PHF2: variants seen among roughly 807,000 people sequenced by gnomAD.
The protein encoded by PHF2 is lysine-specific demethylase PHF2.
In PHF2, 27 loss-of-function variants were observed where a neutral mutation model predicts 120.5. The ratio of observed to expected loss-of-function variants is 0.22; its 90% CI spans 0.17 to 0.31. PHF2 has a LOEUF of 0.31. Among genes scored for constraint, PHF2 ranks in the 10% least tolerant of loss-of-function variants. The pLI is 1.00. For synonymous variants in PHF2, 568 were observed against 592.5 expected, an observed-to-expected ratio of 0.96 and a Z score of 0.60; for missense variants, 1,024 against 1,434.8, an observed-to-expected ratio of 0.71 and a Z score of 4.63.
intron 1 of PHF2, among the ~76,000 whole-genome samples, chr9:93,587,761 G>A (rs1863083650): frequency 6.6e-6 from 1 of 152,174 alleles, no homozygotes; most frequent in African/African-American, 2.4e-5. Flanking sequence ...TCATGGGACA[G>A]TGTTGTTATG....
At chr9:93,628,547 T>C (rs1196081719) in intron 1 of PHF2, among the ~76,000 whole-genome samples, 1 of 152,232 alleles carries the variant, frequency 6.6e-6, no homozygotes, top group Admixed American at 6.5e-5. Flanking sequence ...TATAATCCTT[T>C]TTTATTTCCT....
At chr9:93,672,378 G>A (rs538499344) in intron 17 of PHF2, 288 of 385,668 alleles carry the variant, frequency 7.5e-4, no homozygotes, top group Non-Finnish European at 8.7e-4. Flanking sequence ...GCAGGTGTGA[G>A]TGTGGGAGTA....
intron 1 of PHF2, among the ~76,000 whole-genome samples, chr9:93,603,731 C>T (rs1825487629): frequency 6.6e-6 from 1 of 152,192 alleles, no homozygotes; most frequent in Admixed American, 6.5e-5. Context: ...CTTTCTTTGC[C>T]TGGTAGCGCC....
rs939741675 is a variant in PHF2 at position 93,649,215 on chromosome 9, G to A, written c.602+3G>A. 14 of 1,504,308 alleles carry A rather than the reference G, an allele frequency of 9.3e-6. No individual in the cohort carries two copies. Among genetic ancestry groups the A allele is most frequent in the Non-Finnish European group, 1.2e-5 (13 of 1,117,440 alleles). The allele number at this position is 1,504,308 out of a possible 1,614,324, so 93.2% of individuals were successfully genotyped here. Reference sequence around the variant, plus strand: ...AACCTCGAGTTCTCTGACACCCGGTGAGTGCTACCACCCTGGGGGTGTGGG... The same window carrying A: ...AACCTCGAGTTCTCTGACACCCGGTAAGTGCTACCACCCTGGGGGTGTGGG... On this transcript the variant is annotated splice_donor_region_variant and intron_variant, in intron 5 of 21. Transcript: ENST00000359246.
chr9:93,674,800 G>A (rs1342975615), intron 18 of PHF2, 127 bp from the exon 19 acceptor site: 8 of 656,930 alleles, frequency 1.2e-5, no homozygotes, highest in African/African-American at 8.9e-5. Context: ...GACACAGCGT[G>A]GCAGGCCTTA....
chr9:93,623,987 A>C (rs1252676289), intron 1 of PHF2, among the ~76,000 whole-genome samples: 6 of 152,220 alleles, frequency 3.9e-5, no homozygotes, highest in Admixed American at 6.5e-5. Context: ...GGCCAGGCCC[A>C]CCCATCTCTT....
At chr9:93,636,636 A>AAAGCAGG (rs1390976737) in intron 3 of PHF2, 111 bp downstream of exon 3, 1 of 842,344 alleles carries the variant, frequency 1.2e-6, no homozygotes, top group South Asian at 1.7e-5. Flanking sequence ...TCCTTGCTGG[A>AAAGCAGG]AAGCAGGAAG....
In PHF2 at chr9:93,607,973, TGAGA is replaced by T. The variant is rs1209427517; in HGVS notation, c.99-21990_99-21987del. 3.2e-3 allele frequency among the ~76,000 whole-genome samples: 265 copies of T among 82,654 alleles called. 1 individual carries two copies. The highest frequency in any genetic ancestry group is 0.011 in the African/African-American group (258 of 22,552). 54.2% of individuals were successfully genotyped at this position (82,654 alleles called of 152,430 possible). ...AGAGAGAGAGAGAGAGGGAAAGAGA[TGAGA>T]GAGAGACGGAGGGAGATGAGAGAGA... is the stretch of plus-strand genomic sequence containing the variant. On this transcript the variant is annotated intron_variant, in intron 1 of 21. Transcript: ENST00000359246.
At chr9:93,641,677 C>A (rs1050682409) in intron 3 of PHF2, among the ~76,000 whole-genome samples, 10 of 152,202 alleles carry the variant, frequency 6.6e-5, no homozygotes, top group Non-Finnish European at 1.5e-4. Context: ...TGTAAGAATT[C>A]TTTACATATT....
At position 93,654,521 on chromosome 9, in the gene PHF2, G is replaced by A. The variant is rs1469956820; in HGVS notation, c.898G>A (p.Asp300Asn). 1 of 1,614,058 alleles carries A rather than the reference G, an allele frequency of 6.2e-7. No homozygotes were observed. Among genetic ancestry groups the A allele is most frequent in the Non-Finnish European group, 8.5e-7 (1 of 1,180,026 alleles). The change falls in exon 7 of 22, where the codon GAC becomes AAC. Residue 300 changes from aspartate to asparagine, a missense_variant. Physicochemically the swap from Asp to Asn is conservative, Grantham distance 23. This residue lies in a region of PHF2 where 347 missense variants were observed against 577.4 expected (regional missense o/e 0.60). Transcript: ENST00000359246. Reference sequence around the variant, plus strand: ...CGAGATGTTCTTTGCTGACCAGGTCGACAAATGCTACAAGTGCATCGTCAA... The same window carrying A: ...CGAGATGTTCTTTGCTGACCAGGTCAACAAATGCTACAAGTGCATCGTCAA... ...HSEMFFADQV[D>N]KCYKCIVKQG... is the part of the protein sequence containing the mutation.
intron 1 of PHF2, among the ~76,000 whole-genome samples, chr9:93,581,265 C>T (rs1304269105): frequency 6.6e-6 from 1 of 152,164 alleles, no homozygotes; most frequent in Non-Finnish European, 1.5e-5. Flanking sequence ...CTGGGAACAC[C>T]AGGCGGGGCT....
chr9:93,609,887 G>C (rs906180749), intron 1 of PHF2, among the ~76,000 whole-genome samples: 2 of 152,060 alleles, frequency 1.3e-5, no homozygotes, highest in Admixed American at 1.3e-4. Context: ...AGTAGAGATG[G>C]GGTTTCACCA....
At chr9:93,652,653 T>C (rs10821191) in intron 5 of PHF2, among the ~76,000 whole-genome samples, 54,798 of 152,022 alleles carry the variant, frequency 0.36, 10,242 homozygotes, top group Non-Finnish European at 0.4. Context: ...GTCATTGAAT[T>C]GAAGGCTGCC....
intron 1 of PHF2, among the ~76,000 whole-genome samples, chr9:93,604,429 A>G (rs998078624): frequency 1.3e-5 from 2 of 148,860 alleles, no homozygotes; most frequent in Non-Finnish European, 3.0e-5. Context: ...ATGGTTCATG[A>G]TCTCCTGAAT....
intron 1 of PHF2, among the ~76,000 whole-genome samples, chr9:93,615,527 T>C (rs1825717817): frequency 6.6e-6 from 1 of 152,228 alleles, no homozygotes. Context: ...GACCTTCTAC[T>C]AGATATGATG....
intron 16 of PHF2, 137 bp from the exon 17 acceptor site, chr9:93,666,937 TAAATAA>T (rs890254776): frequency 1.3e-5 from 5 of 393,456 alleles, no homozygotes; most frequent in African/African-American, 8.5e-5. Flanking sequence ...ACTAAATAAA[TAAATAA>T]AAATAAAAAT....
intron 3 of PHF2, among the ~76,000 whole-genome samples, chr9:93,636,956 A>G (rs1397986341): frequency 2.0e-5 from 3 of 152,184 alleles, no homozygotes; most frequent in African/African-American, 2.4e-5. Flanking sequence ...CTTTTTCTGC[A>G]TGAGGGCAGA....
intron 17 of PHF2, chr9:93,672,643 G>T (rs1395979720): frequency 1.0e-6 from 1 of 970,794 alleles, no homozygotes; most frequent in East Asian, 1.3e-4. Context: ...CAGGTGCGGG[G>T]GTGGAGGTAG....
intron 17 of PHF2, among the ~76,000 whole-genome samples, chr9:93,669,956 C>T (rs1826752831): frequency 6.6e-6 from 1 of 152,206 alleles, no homozygotes; most frequent in Admixed American, 6.5e-5. Context: ...TTGGCCTCTT[C>T]CTTCTTGTCT....
Sources: allele counts gnomAD v4.1 joint callset (sites outside exome capture counted in the v4.1 genomes callset), GRCh38; gene constraint gnomAD v4.1.1; regional missense constraint gnomAD v4.1.1; transcripts MANE v1.5; gene names NCBI Gene and HGNC (gene_info 2026-07-23, HGNC 2026-07-21).